The following MAGI1 variants were observed in gnomAD, a reference collection of about 807,000 sequenced individuals.
The protein encoded by MAGI1 is membrane-associated guanylate kinase, WW and PDZ domain-containing protein 1.
MAGI1 carries 58 observed loss-of-function variants against 139.9 expected under a neutral mutation model. The ratio of observed to expected loss-of-function variants is 0.41; its 90% CI spans 0.34 to 0.52. The LOEUF (loss-of-function observed/expected upper bound fraction) is 0.52, where lower values mean the gene tolerates loss of function less well. Ranked by LOEUF, MAGI1 falls within the 20% of genes least tolerant of loss-of-function variation. The pLI is 0.12. For missense variants in MAGI1, 1,874 were observed against 1,901.6 expected (o/e 0.99, Z 0.27); for synonymous variants, 812 against 737.9 (o/e 1.10, Z -1.63).
At chr3:65,639,468 T>A (rs112878661) in intron 1 of MAGI1, among the ~76,000 whole-genome samples, 9,232 of 152,170 alleles carry the variant, frequency 0.061, 926 homozygotes, top group African/African-American at 0.21. Context: ...CACAGGTATT[T>A]GAGTTTCGGG....
chr3:65,390,174 G>A (rs1943796574), intron 14 of MAGI1, among the ~76,000 whole-genome samples: 1 of 152,154 alleles, frequency 6.6e-6, no homozygotes, highest in Non-Finnish European at 1.5e-5. Flanking sequence ...ACCCTGCTGA[G>A]CAGTGACCAC....
intron 3 of MAGI1, among the ~76,000 whole-genome samples, chr3:65,480,304 G>A (rs940897394): frequency 1.3e-5 from 2 of 151,936 alleles, no homozygotes; most frequent in African/African-American, 4.8e-5. Flanking sequence ...AGGCTGAGGC[G>A]GGCTAACCAC....
intron 1 of MAGI1, among the ~76,000 whole-genome samples, chr3:66,004,657 T>G (rs1240552391): frequency 6.6e-6 from 1 of 152,202 alleles, no homozygotes; most frequent in Non-Finnish European, 1.5e-5. Flanking sequence ...TCACATTGTA[T>G]CTGGCATGGG....
chr3:66,023,042 G>A (rs865970999), intron 1 of MAGI1, among the ~76,000 whole-genome samples: 1 of 152,136 alleles, frequency 6.6e-6, no homozygotes, highest in Non-Finnish European at 1.5e-5. Context: ...CAAACTTCAC[G>A]CCAAGCTAGG....
intron 1 of MAGI1, among the ~76,000 whole-genome samples, chr3:65,684,868 A>ATTTTTTTTT (rs761948943): frequency 1.0e-5 from 1 of 98,182 alleles, no homozygotes; most frequent in African/African-American, 5.7e-5. Flanking sequence ...CACCTGGCTA[A>ATTTTTTTTT]TTTTTTTTTT....
At chr3:65,532,954 C>T (rs886257431) in intron 2 of MAGI1, 43 of 152,318 alleles carry the variant, frequency 2.8e-4, no homozygotes, top group African/African-American at 1.0e-3. Context: ...CTGATCTATA[C>T]CACGTGACTC....
intron 1 of MAGI1, among the ~76,000 whole-genome samples, chr3:65,818,306 T>G (rs1051433878): frequency 1.3e-5 from 2 of 152,142 alleles, no homozygotes; most frequent in Non-Finnish European, 2.9e-5. Flanking sequence ...GAGGCTCCAT[T>G]TGCCAAGCAC....
chr3:65,869,398 T>A (rs918727922), intron 1 of MAGI1, among the ~76,000 whole-genome samples: 31 of 150,558 alleles, frequency 2.1e-4, no homozygotes, highest in African/African-American at 7.6e-4. Flanking sequence ...GTTGTTGTTG[T>A]TGTTGTTGTT....
intron 1 of MAGI1, among the ~76,000 whole-genome samples, chr3:65,697,839 A>G (rs1236016516): frequency 2.8e-4 from 21 of 75,894 alleles, no homozygotes; most frequent in East Asian, 8.7e-4. Context: ...CTCTCTCACC[A>G]CTCCTATTCA....
Position 65,470,458 on chromosome 3 carries a change from T to C in MAGI1, c.784A>G (p.Thr262Ala). 1.9e-6 allele frequency: 3 copies of C among 1,612,042 alleles called. No homozygotes were observed. Among genetic ancestry groups the C allele is most frequent in the Non-Finnish European group, 2.5e-6 (3 of 1,179,524 alleles). The part of the protein sequence containing the change: ...TADSGEQEEH[T>A]LQETALPPVN... ...GGTGGTAATGCTGTTTCTTGGAGAG[T>C]GTGCTCCTCTTGTTCACCAGAATCG... Residue 262 changes from threonine to alanine, a missense_variant, in exon 5 of 23, where the codon ACT (threonine) becomes GCT (alanine). Physicochemically the swap from Thr to Ala is moderately conservative, Grantham distance 58 (BLOSUM62 0). Coordinates refer to ENST00000402939, the MANE Select transcript of MAGI1 (RefSeq NM_001033057.2).
At chr3:65,961,683 A>C (rs761477033) in intron 1 of MAGI1, among the ~76,000 whole-genome samples, 4 of 152,214 alleles carry the variant, frequency 2.6e-5, no homozygotes, top group African/African-American at 9.6e-5. Flanking sequence ...ATTCCGCAGA[A>C]AACAGGGTTC....
In MAGI1 at chr3:65,545,176, C is replaced by A. The variant is rs542713566; in HGVS notation, c.431-51545G>T. Among the ~76,000 whole-genome samples the A allele has an allele frequency of 6.6e-5, 10 of 152,182 alleles. No homozygotes were observed. In the South Asian group the frequency reaches 1.7e-3, roughly 25 times the overall value. The stretch of plus-strand genomic sequence containing the variant: ...CATAATGCGTCACTTCTGACAAACC[C>A]ATGAGAAAGCAAAAAATTTAACACC... On this transcript the variant is annotated intron_variant, in intron 2 of 22. Coordinates refer to ENST00000402939, the MANE Select transcript of MAGI1 (RefSeq NM_001033057.2).
At chr3:65,796,253 C>G (rs918641800) in intron 1 of MAGI1, among the ~76,000 whole-genome samples, 2 of 152,030 alleles carry the variant, frequency 1.3e-5, no homozygotes, top group African/African-American at 4.8e-5. Flanking sequence ...TCTTTTAAGT[C>G]TATTTTCTTT....
chr3:65,956,948 G>T (rs2064154137), intron 1 of MAGI1, among the ~76,000 whole-genome samples: 1 of 152,228 alleles, frequency 6.6e-6, no homozygotes, highest in South Asian at 2.1e-4. Context: ...GCTGCAGTGA[G>T]CCAAGATCAC....
intron 22 of MAGI1, chr3:65,359,698 T>G: frequency 1.0e-6 from 1 of 986,562 alleles, no homozygotes; most frequent in Non-Finnish European, 1.2e-6. Flanking sequence ...ATGGAGACAT[T>G]ACAGTAGCAC....
chr3:65,887,009 G>C (rs1294690295), intron 1 of MAGI1, among the ~76,000 whole-genome samples: 1 of 152,046 alleles, frequency 6.6e-6, no homozygotes, highest in African/African-American at 2.4e-5. Flanking sequence ...AATGTCAAAG[G>C]CTTCTGTGCA....
intron 1 of MAGI1, among the ~76,000 whole-genome samples, chr3:66,027,086 G>C (rs967066845): frequency 1.3e-5 from 2 of 151,644 alleles, no homozygotes; most frequent in South Asian, 4.2e-4. Context: ...TGGCTAACAC[G>C]GTGAAACCCC....
At chr3:65,662,690 A>G (rs1344464759) in intron 1 of MAGI1, among the ~76,000 whole-genome samples, 2 of 152,130 alleles carry the variant, frequency 1.3e-5, no homozygotes, top group African/African-American at 4.8e-5. Context: ...ATCATCTCAC[A>G]TAGTCACCTC....
intron 1 of MAGI1, among the ~76,000 whole-genome samples, chr3:65,977,216 C>T (rs140150602): frequency 2.0e-4 from 31 of 152,276 alleles, no homozygotes; most frequent in South Asian, 8.3e-4. Flanking sequence ...TTGGCCCCAC[C>T]ACCATCCCGC....
Sources: gnomAD v4.1 joint callset for allele counts (sites outside exome capture counted in the v4.1 genomes callset) on GRCh38, gnomAD v4.1.1 for gene constraint, MANE v1.5 for transcripts, NCBI Gene and HGNC (gene_info 2026-07-23, HGNC 2026-07-21) for gene names.